Variants in IGBP1C observed in about 807,000 individuals in gnomAD.
IGBP1C encodes immunoglobulin-binding protein 1 family member C.
At chr17:58,689,714 A>G in the IGBP1C span, among the ~76,000 whole-genome samples, 2 of 152,128 alleles carry the variant, frequency 1.3e-5, no homozygotes, top group African/African-American at 4.8e-5. Context: ...TTTATCCCAT[A>G]GCTTTGTTTA....
the IGBP1C span, among the ~76,000 whole-genome samples, chr17:58,683,374 C>T: frequency 6.7e-6 from 1 of 148,544 alleles, no homozygotes; most frequent in Non-Finnish European, 1.5e-5. Flanking sequence ...CTCCATCCCC[C>T]CCCCCAAAAA....
the IGBP1C span, among the ~76,000 whole-genome samples, chr17:58,684,677 A>G: frequency 7.4e-6 from 1 of 136,022 alleles, no homozygotes; most frequent in South Asian, 2.3e-4. Flanking sequence ...AAATAAATAA[A>G]TAAAAAGCTT....
chr17:58,670,648 C>A, the IGBP1C span, among the ~76,000 whole-genome samples: 1 of 151,396 alleles, frequency 6.6e-6, no homozygotes, highest in African/African-American at 2.4e-5. Flanking sequence ...TGGCAGGCAC[C>A]TGTAATCCCA....
At chr17:58,668,374 CT>C in the IGBP1C span, among the ~76,000 whole-genome samples, 5 of 152,198 alleles carry the variant, frequency 3.3e-5, no homozygotes. Flanking sequence ...CTACCAAAGC[CT>C]CTTCTACTGA....
the IGBP1C span, among the ~76,000 whole-genome samples, chr17:58,663,970 G>A: frequency 2.0e-5 from 3 of 152,122 alleles, no homozygotes; most frequent in Non-Finnish European, 4.4e-5. Context: ...CTGAGTTTGG[G>A]AAGGTGGAGG....
At chr17:58,663,098 G>C in the IGBP1C span, among the ~76,000 whole-genome samples, 1 of 136,110 alleles carries the variant, frequency 7.3e-6, no homozygotes, top group Non-Finnish European at 1.6e-5. Context: ...GACAGAGTGA[G>C]ACTCCGTCTC....
At chr17:58,672,011 G>A in the IGBP1C span, among the ~76,000 whole-genome samples, 64 of 152,148 alleles carry the variant, frequency 4.2e-4, no homozygotes, top group African/African-American at 1.4e-3. Flanking sequence ...ATTTCTCCAC[G>A]GATAACAGGG....
chr17:58,689,430 A>G, the IGBP1C span, among the ~76,000 whole-genome samples: 2 of 151,948 alleles, frequency 1.3e-5, no homozygotes, highest in Non-Finnish European at 2.9e-5. Flanking sequence ...CATGTTGGCC[A>G]GGATGGTCTT....
At chr17:58,661,820 T>C in the IGBP1C span, 1 of 482,854 alleles carries the variant, frequency 2.1e-6, no homozygotes, top group South Asian at 3.9e-5. Context: ...TGTCTCTCTG[T>C]TTCCGTTTCC....
At chr17:58,690,357 G>T in the IGBP1C span, among the ~76,000 whole-genome samples, 6 of 151,984 alleles carry the variant, frequency 3.9e-5, no homozygotes, top group Non-Finnish European at 8.8e-5. Flanking sequence ...GTAGAGATGG[G>T]GTTTTGCCCT....
chr17:58,680,714 C>T, the IGBP1C span, among the ~76,000 whole-genome samples: 2 of 151,834 alleles, frequency 1.3e-5, no homozygotes, highest in Non-Finnish European at 2.9e-5. Flanking sequence ...CTAGCCTGGG[C>T]GACAGAGCAA....
At chr17:58,680,844 A>G in the IGBP1C span, among the ~76,000 whole-genome samples, 1 of 152,170 alleles carries the variant, frequency 6.6e-6, no homozygotes, top group East Asian at 1.9e-4. Flanking sequence ...CTAATATCCC[A>G]CATCTTTTAT....
chr17:58,680,092 C>T, the IGBP1C span, among the ~76,000 whole-genome samples: 1 of 151,442 alleles, frequency 6.6e-6, no homozygotes, highest in Non-Finnish European at 1.5e-5. Flanking sequence ...TTTTTTTTTC[C>T]CCCCAGAGAC....
chr17:58,689,206 C>T, the IGBP1C span, among the ~76,000 whole-genome samples: 5 of 150,396 alleles, frequency 3.3e-5, no homozygotes, highest in African/African-American at 9.8e-5. Context: ...GTGAAACAGG[C>T]GTGAGACATC....
At chr17:58,691,666 CAA>C in the IGBP1C span, among the ~76,000 whole-genome samples, 6 of 107,088 alleles carry the variant, frequency 5.6e-5, no homozygotes, top group African/African-American at 7.2e-5. Flanking sequence ...GACTCTGTCT[CAA>C]AAAAAAAAAA....
At chr17:58,678,823 T>TAATAATAAC in the IGBP1C span, among the ~76,000 whole-genome samples, 1 of 133,518 alleles carries the variant, frequency 7.5e-6, no homozygotes, top group Non-Finnish European at 1.5e-5. Flanking sequence ...TAAAGTATAA[T>TAATAATAAC]AATAATAATA....
the IGBP1C span, among the ~76,000 whole-genome samples, chr17:58,664,053 A>C: frequency 6.6e-6 from 1 of 152,168 alleles, no homozygotes; most frequent in Non-Finnish European, 1.5e-5. Context: ...GCAACAACAA[A>C]AAAACAACAG....
the IGBP1C span, among the ~76,000 whole-genome samples, chr17:58,684,078 C>T: frequency 1.3e-5 from 2 of 151,248 alleles, no homozygotes; most frequent in African/African-American, 2.4e-5. Flanking sequence ...TAAAAGTATA[C>T]GATAAAGGTA....
chr17:58,683,052 CA>C, the IGBP1C span, among the ~76,000 whole-genome samples: 2,887 of 54,052 alleles, frequency 0.053, 27 homozygotes, highest in African/African-American at 0.078. Flanking sequence ...GAGTCTGTCT[CA>C]AAAAAAAAAA....
Sources: gnomAD v4.1 joint callset for allele counts (sites outside exome capture counted in the v4.1 genomes callset) on GRCh38, gnomAD v4.1.1 for gene constraint, MANE v1.5 for transcripts, NCBI Gene and HGNC (gene_info 2026-07-23, HGNC 2026-07-21) for gene names.